RBFOX1: variants seen among roughly 807,000 people sequenced by gnomAD.
RBFOX1 encodes RNA binding protein fox-1 homolog 1.
In RBFOX1, 8 loss-of-function variants were observed where a neutral mutation model predicts 57.7. The observed-to-expected ratio is 0.14, with a 90% CI of 0.08 to 0.25. The LOEUF (loss-of-function observed/expected upper bound fraction) is 0.25, where lower values mean the gene tolerates loss of function less well. RBFOX1 is among the 10% of genes least tolerant of loss of function. The pLI, the probability that RBFOX1 is intolerant of heterozygous loss-of-function variation, is 1.00. For synonymous variants in RBFOX1, 326 were observed against 222.4 expected (o/e 1.47, Z -4.15); for missense variants, 611 against 548.5 (o/e 1.11, Z -1.14).
intron 1 of RBFOX1, among the ~76,000 whole-genome samples, chr16:6,163,510 T>G (rs1011781691): frequency 7.9e-5 from 12 of 152,164 alleles, no homozygotes; most frequent in African/African-American, 2.9e-4. Flanking sequence ...ATCATGGAGT[T>G]TTTCTTTTCT....
At chr16:7,595,729 T>C in intron 8 of RBFOX1, 88 bp downstream of exon 8, 1 of 1,017,188 alleles carries the variant, frequency 9.8e-7, no homozygotes, top group Non-Finnish European at 1.4e-6. Context: ...CATTGGCGTC[T>C]TGTATGTGAC....
At chr16:6,515,595 T>C (rs960834780) in intron 2 of RBFOX1, among the ~76,000 whole-genome samples, 14 of 152,196 alleles carry the variant, frequency 9.2e-5, no homozygotes, top group African/African-American at 2.9e-4. Flanking sequence ...AAGAAGCCTT[T>C]TTATGGATCA....
At chr16:6,780,210 T>TAC (rs1491586256) in intron 3 of RBFOX1, among the ~76,000 whole-genome samples, 1 of 30,996 alleles carries the variant, frequency 3.2e-5, no homozygotes, top group African/African-American at 2.2e-4. Flanking sequence ...TTTATATATT[T>TAC]ATATATATTT....
At chr16:7,615,334 A>AAAT (rs900721016) in intron 10 of RBFOX1, among the ~76,000 whole-genome samples, 960 of 55,056 alleles carry the variant, frequency 0.017, 6 homozygotes, top group African/African-American at 0.13. Context: ...CTCCATCTCA[A>AAAT]AATAATAATA....
chr16:5,830,738 G>A (rs2056235742), intron 3 of RBFOX1, among the ~76,000 whole-genome samples: 1 of 152,212 alleles, frequency 6.6e-6, no homozygotes, highest in South Asian at 2.1e-4. Flanking sequence ...TGCCACCATT[G>A]CAGTGTGCCT....
rs369511721 is a variant in RBFOX1 at position 6,431,655 on chromosome 16, C to T, written c.-64+114598C>T. Among the ~76,000 whole-genome samples, 98 of 152,166 alleles carry T rather than the reference C, an allele frequency of 6.4e-4. 2 individuals carry two copies. In the South Asian group the frequency reaches 0.02, roughly 30 times the overall value. On this transcript the variant is annotated intron_variant, in intron 2 of 15. Transcript: ENST00000550418. ...TGGCATGAGGTCTTGGCAGGTATTACAAGGACTTGGGCACTTAGTCTGAAT... is the reference window on the plus strand; with the variant it reads ...TGGCATGAGGTCTTGGCAGGTATTATAAGGACTTGGGCACTTAGTCTGAAT...
chr16:6,404,647 A>G (rs2093208579), intron 2 of RBFOX1, among the ~76,000 whole-genome samples: 1 of 152,116 alleles, frequency 6.6e-6, no homozygotes, highest in East Asian at 1.9e-4. Context: ...TCATGGACGC[A>G]TCATCCCTTC....
Position 5,689,720 on chromosome 16 carries a change from C to T in RBFOX1, c.318+90759C>T, listed in dbSNP as rs192873406. 1.3e-5 allele frequency among the ~76,000 whole-genome samples: 2 copies of T among 151,926 alleles called. 1 individual carries two copies. Among genetic ancestry groups the T allele is most frequent in the Admixed American group, 1.3e-4 (2 of 15,256 alleles). The stretch of plus-strand genomic sequence containing the variant: ...ATTTTTGAACTGTATGTCCCAGGAA[C>T]CTTTTAGGAACAAGGAATACAATAG... On this transcript the variant is annotated intron_variant, in intron 3 of 19. Coordinates refer to the RBFOX1 transcript ENST00000641259.
chr16:6,681,592 G>A (rs966548696), intron 3 of RBFOX1, among the ~76,000 whole-genome samples: 2 of 150,484 alleles, frequency 1.3e-5, no homozygotes, highest in Non-Finnish European at 2.9e-5. Flanking sequence ...AATTTGGCCC[G>A]TTAGTTAAAG....
chr16:7,046,434 A>C (rs2047968741), intron 3 of RBFOX1, among the ~76,000 whole-genome samples: 1 of 152,172 alleles, frequency 6.6e-6, no homozygotes, highest in Admixed American at 6.5e-5. Flanking sequence ...CATGTTAATT[A>C]GCTTGACTTC....
intron 5 of RBFOX1, among the ~76,000 whole-genome samples, chr16:7,578,738 T>C (rs757411733): frequency 1.3e-5 from 2 of 151,776 alleles, no homozygotes; most frequent in Non-Finnish European, 2.9e-5. Context: ...CTGATGTGGA[T>C]GGCATTTACT....
chr16:7,096,648 T>A (rs1337209217), intron 4 of RBFOX1, among the ~76,000 whole-genome samples: 2 of 151,998 alleles, frequency 1.3e-5, no homozygotes, highest in Non-Finnish European at 2.9e-5. Context: ...AAACGGGGAC[T>A]GAGTTGAGCA....
At chr16:5,564,191 T>G (rs927692527) in intron 2 of RBFOX1, among the ~76,000 whole-genome samples, 1 of 151,998 alleles carries the variant, frequency 6.6e-6, no homozygotes, top group African/African-American at 2.4e-5. Flanking sequence ...TTTGTATTTT[T>G]TTTTTTAGTA....
intron 4 of RBFOX1, among the ~76,000 whole-genome samples, chr16:7,216,711 C>G (rs572622256): frequency 1.3e-5 from 2 of 152,066 alleles, no homozygotes; most frequent in Non-Finnish European, 2.9e-5. Context: ...GAGTGTAGCA[C>G]AGCACATAGA....
At chr16:6,957,998 T>C (rs903841082) in intron 3 of RBFOX1, among the ~76,000 whole-genome samples, 1 of 151,714 alleles carries the variant, frequency 6.6e-6, no homozygotes, top group Non-Finnish European at 1.5e-5. Context: ...CTGCATAGGG[T>C]GGGAAGGGAC....
chr16:6,868,814 C>T lies in RBFOX1; in HGVS notation c.-15-183243C>T, dbSNP rs150693187. On this transcript the variant is annotated intron_variant, in intron 3 of 15. Coordinates refer to ENST00000550418, the MANE Select transcript of RBFOX1 (RefSeq NM_018723.4). ...GTAATAAGGTTGCATCTTTTTGCTC[C>T]TCGAAAGATGGGCTTTGCCATATGA... 2.8e-3 allele frequency among the ~76,000 whole-genome samples: 428 copies of T among 152,204 alleles called. 1 individual carries two copies. The highest frequency in any genetic ancestry group is 4.5e-3 in the Non-Finnish European group (304 of 67,996).
At chr16:7,235,204 C>G (rs1005192025) in intron 4 of RBFOX1, among the ~76,000 whole-genome samples, 3 of 152,140 alleles carry the variant, frequency 2.0e-5, no homozygotes, top group South Asian at 4.1e-4. Context: ...TGTTGACATT[C>G]CTTAGAAAGG....
intron 2 of RBFOX1, among the ~76,000 whole-genome samples, chr16:5,595,713 C>T (rs1257215435): frequency 1.3e-5 from 2 of 152,168 alleles, no homozygotes; most frequent in Non-Finnish European, 2.9e-5. Context: ...CATCTCTTGG[C>T]TCTGTTTCCC....
chr16:6,705,034 T>G (rs1450680878), intron 3 of RBFOX1: 1 of 152,176 alleles, frequency 6.6e-6, no homozygotes, highest in East Asian at 1.9e-4. Flanking sequence ...GTGTGGATTT[T>G]TTTTTAATGC....
Sources: gnomAD v4.1 joint callset for allele counts (sites outside exome capture counted in the v4.1 genomes callset) on GRCh38, gnomAD v4.1.1 for gene constraint, MANE v1.5 for transcripts, NCBI Gene and HGNC (gene_info 2026-07-23, HGNC 2026-07-21) for gene names.